BIRC6: variants seen among roughly 807,000 people sequenced by gnomAD.
BIRC6 encodes the protein baculoviral IAP repeat containing 6.
In BIRC6, 98 loss-of-function variants were observed where a neutral mutation model predicts 503.3. The ratio of observed to expected loss-of-function variants is 0.19; its 90% confidence interval spans 0.17 to 0.23. BIRC6 has a LOEUF of 0.23. Among genes scored for constraint, BIRC6 ranks in the 10% least tolerant of loss-of-function variants. The pLI is 1.00. For missense variants in BIRC6, 5,360 were observed against 5,806.0 expected (o/e 0.92, Z 2.50); for synonymous variants, 2,240 against 2,078.7 (o/e 1.08, Z -2.11).
At chr2:32,598,971 G>A (rs2061858763) in intron 69 of BIRC6, among the ~76,000 whole-genome samples, 1 of 136,336 alleles carries the variant, frequency 7.3e-6, no homozygotes, top group South Asian at 2.4e-4. Flanking sequence ...GCAGTGAGCT[G>A]AGATCTCGCC....
At chr2:32,401,740 A>G in intron 8 of BIRC6, 117 bp downstream of exon 8, 2 of 871,744 alleles carry the variant, frequency 2.3e-6, no homozygotes, top group East Asian at 2.7e-5. Context: ...TTAAGAGATC[A>G]GAGAGTAAAT....
chr2:32,509,635 G>T, intron 51 of BIRC6, 103 bp from the exon 52 acceptor site: 1 of 1,304,262 alleles, frequency 7.7e-7, no homozygotes, highest in Non-Finnish European at 1.1e-6. Flanking sequence ...ATTGGTTAAT[G>T]CTGTTTATGA....
chr2:32,392,697 A>T (rs1213153603), intron 5 of BIRC6, among the ~76,000 whole-genome samples: 1 of 151,946 alleles, frequency 6.6e-6, no homozygotes, highest in East Asian at 1.9e-4. Flanking sequence ...ATCACCACTC[A>T]CTTCAGTCTC....
chr2:32,401,062 A>C (rs1354937190), intron 6 of BIRC6, 101 bp from the exon 7 acceptor site: 3 of 971,462 alleles, frequency 3.1e-6, no homozygotes. Context: ...GAATACTTTA[A>C]GTTCAGTTAA....
Position 32,464,407 on chromosome 2 carries a change from A to G in BIRC6, c.4942-102A>G. 4.5e-6 allele frequency: 6 copies of G among 1,325,584 alleles called. No homozygotes were observed. In the South Asian group the frequency reaches 6.4e-5, roughly 14 times the overall value. The allele number at this position is 1,325,584 out of a possible 1,614,324, so 82.1% of individuals were successfully genotyped here. A position where few individuals can be genotyped will look rare whatever the true frequency, so the allele number is the denominator to read the frequency against. On this transcript the variant is annotated intron_variant, in intron 24 of 73. Coordinates refer to ENST00000421745, the MANE Select transcript of BIRC6 (RefSeq NM_016252.4). ...TTAATTTCATCTTTAAGTATGATCA[A>G]TTTAATCATGTTTATCTTCATAATA...
At chr2:32,539,921 G>A (rs748058120) in intron 61 of BIRC6, among the ~76,000 whole-genome samples, 2 of 151,856 alleles carry the variant, frequency 1.3e-5, no homozygotes, top group Non-Finnish European at 2.9e-5. Context: ...CAAGAAAAAG[G>A]GAAAACCACA....
Position 32,545,664 on chromosome 2 carries a change from C to T in BIRC6, c.12614C>T (p.Ser4205Leu). 6.2e-7 allele frequency: 1 copy of T among 1,613,626 alleles called. No homozygotes were observed. Among genetic ancestry groups the T allele is most frequent in the Non-Finnish European group, 8.5e-7 (1 of 1,179,574 alleles). Residue 4205 changes from serine (S) to leucine (L), a missense_variant, in exon 63 of 74, where the codon TCA becomes TTA. Coordinates refer to ENST00000421745, the MANE Select transcript of BIRC6 (RefSeq NM_016252.4). Reference sequence around the variant, plus strand: ...CTAGGTCATATTCTTCAATCTCCATCAGCCAATGTGCTTCCAACCCTTCCT... The same window carrying T: ...CTAGGTCATATTCTTCAATCTCCATTAGCCAATGTGCTTCCAACCCTTCCT... ...GEGSHILQSP[S>L]ANVLPTLPFH...
At chr2:32,397,685 T>C (rs937041514) in intron 6 of BIRC6, among the ~76,000 whole-genome samples, 55 of 115,784 alleles carry the variant, frequency 4.8e-4, no homozygotes, top group Non-Finnish European at 7.5e-4. Flanking sequence ...CACACACACA[T>C]ATATATGTAC....
intron 15 of BIRC6, among the ~76,000 whole-genome samples, 180 bp downstream of exon 15, chr2:32,436,364 T>G (rs2044696390): frequency 6.6e-6 from 1 of 152,220 alleles, no homozygotes; most frequent in Non-Finnish European, 1.5e-5. Context: ...TATGGTTATC[T>G]GATCCTACTT....
chr2:32,382,175 A>G (rs936266196), intron 3 of BIRC6, among the ~76,000 whole-genome samples: 1 of 152,226 alleles, frequency 6.6e-6, no homozygotes, highest in African/African-American at 2.4e-5. Context: ...ATCAGAACCT[A>G]GAAACTTAGA....
chr2:32,538,470 A>T lies in BIRC6; in HGVS notation c.12292-4771A>T, dbSNP rs191031593. Among the ~76,000 whole-genome samples the T allele has an allele frequency of 8.9e-4, 136 of 152,348 alleles. 1 individual carries two copies. Among genetic ancestry groups the T allele is most frequent in the Non-Finnish European group, 2.1e-4 (14 of 68,038 alleles). ...GAATAAAGGCTACAGCCTAATAAAG[A>T]TTCACTTGAGAAATAAGGGAAAAAT... On this transcript the variant is annotated intron_variant, in intron 61 of 73. Coordinates refer to ENST00000421745, the MANE Select transcript of BIRC6 (RefSeq NM_016252.4).
At chr2:32,359,860 C>T (rs2033769254) in intron 1 of BIRC6, among the ~76,000 whole-genome samples, 1 of 152,128 alleles carries the variant, frequency 6.6e-6, no homozygotes, top group Non-Finnish European at 1.5e-5. Context: ...TGAGCTGTCC[C>T]ACCTGGCCAG....
chr2:32,383,664 TG>T (rs2038021282), intron 3 of BIRC6, among the ~76,000 whole-genome samples: 1 of 152,142 alleles, frequency 6.6e-6, no homozygotes, highest in Non-Finnish European at 1.5e-5. Context: ...CCCCAGTAGC[TG>T]GGACTATAGG....
chr2:32,401,326 C>A lies in BIRC6; in HGVS notation c.1198C>A (p.Leu400Ile). 11 of 1,614,022 alleles carry A rather than the reference C, an allele frequency of 6.8e-6. No homozygotes were observed. In the South Asian group the frequency reaches 9.9e-5, roughly 14 times the overall value. Residue 400 changes from leucine to isoleucine, a missense_variant, in exon 7 of 74, where the codon CTA becomes ATA. By Grantham distance (5) the Leu-to-Ile change is conservative. Coordinates refer to ENST00000421745, the MANE Select transcript of BIRC6 (RefSeq NM_016252.4). The stretch of plus-strand genomic sequence containing the variant: ...TGGGTCGGGGAGCTGCCCTCATTTT[C>A]TAGCTGCTGCAACTAAACGAGGAAA... The part of the protein sequence containing the change: ...CFGSGSCPHF[L>I]AAATKRGKIC...
intron 70 of BIRC6, among the ~76,000 whole-genome samples, chr2:32,601,868 C>T (rs1041096859): frequency 9.2e-5 from 14 of 151,960 alleles, no homozygotes; most frequent in East Asian, 3.9e-4. Flanking sequence ...GGTCTGTTTG[C>T]GTGAGGCTAG....
intron 45 of BIRC6, among the ~76,000 whole-genome samples, chr2:32,497,899 C>T (rs2052667325): frequency 6.6e-6 from 1 of 152,068 alleles, no homozygotes; most frequent in Non-Finnish European, 1.5e-5. Context: ...AGACTACATA[C>T]ATTTAATGTA....
At chr2:32,617,497 G>A (rs1025105964) in intron 73 of BIRC6, among the ~76,000 whole-genome samples, 7 of 152,192 alleles carry the variant, frequency 4.6e-5, no homozygotes, top group African/African-American at 1.7e-4. Flanking sequence ...TCTACTGGTG[G>A]GTTACTGAGG....
intron 65 of BIRC6, among the ~76,000 whole-genome samples, chr2:32,561,660 GT>G (rs1013487736): frequency 2.7e-5 from 4 of 149,646 alleles, no homozygotes; most frequent in South Asian, 2.1e-4. Context: ...TGAACCTAAA[GT>G]TTTTTTTAAA....
rs574889044 is a variant in BIRC6 at position 32,471,276 on chromosome 2, C to T, written c.6592+152C>T. ...TTAAGGAAAATACAAATGAACTTCACTACAATTCTGTTTAAAGATAACATT... is the reference window on the plus strand; with the variant it reads ...TTAAGGAAAATACAAATGAACTTCATTACAATTCTGTTTAAAGATAACATT... On this transcript the variant is annotated intron_variant, in intron 32 of 73. Transcript: ENST00000421745. 11 of 547,358 alleles carry T rather than the reference C, an allele frequency of 2.0e-5. No individual in the cohort carries two copies. In the African/African-American group the frequency reaches 2.2e-4, roughly 11 times the overall value. 33.9% of individuals were successfully genotyped at this position (547,358 alleles called of 1,614,324 possible).
Sources: allele counts gnomAD v4.1 joint callset (sites outside exome capture counted in the v4.1 genomes callset), GRCh38; gene constraint gnomAD v4.1.1; transcripts MANE v1.5; gene names NCBI Gene and HGNC (gene_info 2026-07-23, HGNC 2026-07-21).